SMAD4: variants seen among roughly 807,000 people sequenced by gnomAD.
SMAD4 encodes the protein SMAD family member 4.
In SMAD4, 7 loss-of-function variants were observed where a neutral mutation model predicts 63.2. The observed-to-expected ratio is 0.11, with a 90% CI of 0.06 to 0.21. SMAD4 has a LOEUF of 0.21. Ranked by LOEUF, SMAD4 falls within the 10% of genes least tolerant of loss-of-function variation. The pLI is 1.00. For synonymous variants in SMAD4, 215 were observed against 235.4 expected (o/e 0.91, Z 0.79); for missense variants, 312 against 693.8 (o/e 0.45, Z 6.18).
At chr18:51,037,549 C>G (rs1171593451) in intron 1 of SMAD4, among the ~76,000 whole-genome samples, 2 of 152,160 alleles carry the variant, frequency 1.3e-5, no homozygotes, top group African/African-American at 4.8e-5. Context: ...TAATAATCCC[C>G]TTGCTGCAGC....
At chr18:51,042,457 T>G (rs2073105314) in intron 1 of SMAD4, among the ~76,000 whole-genome samples, 1 of 151,444 alleles carries the variant, frequency 6.6e-6, no homozygotes, top group Non-Finnish European at 1.5e-5. Context: ...CTGCAACCTC[T>G]GCCTCCCAGG....
At chr18:51,032,097 C>G (rs1237814867) in intron 1 of SMAD4, among the ~76,000 whole-genome samples, 2 of 152,016 alleles carry the variant, frequency 1.3e-5, no homozygotes, top group African/African-American at 2.4e-5. Flanking sequence ...ATTTGTAATT[C>G]GGAGTAGCTT....
At chr18:51,061,570 A>T (rs1417837637) in intron 8 of SMAD4, among the ~76,000 whole-genome samples, 2 of 152,180 alleles carry the variant, frequency 1.3e-5, no homozygotes, top group Non-Finnish European at 2.9e-5. Context: ...CACTGTGTAT[A>T]AGTCAAGCAT....
At chr18:51,048,123 T>G (rs1158560439) in intron 2 of SMAD4, among the ~76,000 whole-genome samples, 1 of 152,232 alleles carries the variant, frequency 6.6e-6, no homozygotes, top group African/African-American at 2.4e-5. Context: ...ACTTTACACA[T>G]AGTTTCTGCA....
At position 51,084,004 on chromosome 18, in the gene SMAD4, GCGCGCGCGCACACA is replaced by G. The variant is rs144218127; in HGVS notation, c.*5539_*5552del. On this transcript the variant is annotated 3_prime_UTR_variant, in exon 12 of 12. Transcript: ENST00000342988. ...ATAAACACTTAACGCGCGTGCGCAC[GCGCGCGCGCACACA>G]CACACACACACACACACACACACAC... The G allele has an allele frequency of 3.8e-5, 4 of 105,066 alleles. No individual in the cohort carries two copies. The highest frequency in any genetic ancestry group is 2.2e-4 in the East Asian group (2 of 9,276). The allele number at this position is 105,066 out of a possible 1,614,324, so 6.5% of individuals were successfully genotyped here.
chr18:51,082,004 T>C lies in SMAD4; in HGVS notation c.*3537T>C. Reference sequence around the variant, plus strand: ...CTGAGAGCCTTTTGGGAGAAGCAGTTTTATTCTCTGAGTGGAACAGAGTTC... The same window carrying C: ...CTGAGAGCCTTTTGGGAGAAGCAGTCTTATTCTCTGAGTGGAACAGAGTTC... On this transcript the variant is annotated 3_prime_UTR_variant, in exon 12 of 12. Coordinates refer to ENST00000342988, the MANE Select transcript of SMAD4 (RefSeq NM_005359.6). 4.3e-6 allele frequency: 1 copy of C among 231,900 alleles called. No individual in the cohort carries two copies. 14.4% of individuals were successfully genotyped at this position (231,900 alleles called of 1,614,324 possible). A position where few individuals can be genotyped will look rare whatever the true frequency, so the allele number is the denominator to read the frequency against.
intron 9 of SMAD4, 25 bp downstream of exon 9, chr18:51,065,631 T>G (rs758439958): frequency 7.5e-6 from 12 of 1,600,672 alleles, no homozygotes; most frequent in Admixed American, 3.4e-5. Flanking sequence ...GTCAGATAGT[T>G]ACTTTAAAAA....
In SMAD4 at chr18:51,079,968, T is replaced by G. The variant is rs1910570348; in HGVS notation, c.*1501T>G. 1 of 231,344 alleles carries G rather than the reference T, an allele frequency of 4.3e-6. No individual in the cohort carries two copies. Among genetic ancestry groups the G allele is most frequent in the South Asian group, 1.8e-4 (1 of 5,522 alleles). The allele number at this position is 231,344 out of a possible 1,614,324, so 14.3% of individuals were successfully genotyped here. A position where few individuals can be genotyped will look rare whatever the true frequency, so the allele number is the denominator to read the frequency against. ...TTGTGTATCATGTGTAGAGTTGGTT[T>G]TTTTTTTTTTTAATTTTTATTTTAC... On this transcript the variant is annotated 3_prime_UTR_variant, in exon 12 of 12. Coordinates refer to ENST00000342988, the MANE Select transcript of SMAD4 (RefSeq NM_005359.6).
chr18:51,032,305 G>T (rs1312317605), intron 1 of SMAD4, among the ~76,000 whole-genome samples: 1 of 151,986 alleles, frequency 6.6e-6, no homozygotes, highest in Non-Finnish European at 1.5e-5. Flanking sequence ...GGGAGTGTAT[G>T]TTTCTGTTTA....
At position 51,084,051 on chromosome 18, in the gene SMAD4, A is replaced by G. The variant is rs1910687088; in HGVS notation, c.*5584A>G. On this transcript the variant is annotated 3_prime_UTR_variant, in exon 12 of 12. Coordinates refer to ENST00000342988, the MANE Select transcript of SMAD4 (RefSeq NM_005359.6). ...ACACACACACACACACACAGGTCAG[A>G]GTTTAAGGCTTTCGAGTCATGACAT... 4.5e-6 allele frequency: 1 copy of G among 223,842 alleles called. No individual in the cohort carries two copies. The highest frequency in any genetic ancestry group is 8.8e-6 in the Non-Finnish European group (1 of 113,946). 13.9% of individuals were successfully genotyped at this position (223,842 alleles called of 1,614,324 possible).
chr18:51,076,887 A>T, intron 11 of SMAD4, 111 bp downstream of exon 11: 1 of 787,844 alleles, frequency 1.3e-6, no homozygotes, highest in Non-Finnish European at 2.0e-6. Flanking sequence ...GTTTTTTTTT[A>T]CTGGGATGAT....
intron 1 of SMAD4, among the ~76,000 whole-genome samples, chr18:51,039,841 A>T (rs533812349): frequency 4.5e-4 from 68 of 152,250 alleles, no homozygotes; most frequent in Non-Finnish European, 1.3e-4. Flanking sequence ...ACATAGGTAA[A>T]CAAGAAGCAT....
At chr18:51,076,922 GTTC>G (rs1910487785) in intron 11 of SMAD4, 146 bp downstream of exon 11, 2 of 615,832 alleles carry the variant, frequency 3.2e-6, no homozygotes, top group South Asian at 4.9e-5. Context: ...GGTAAAATCT[GTTC>G]TTCTGTAATA....
intron 1 of SMAD4, among the ~76,000 whole-genome samples, chr18:51,038,028 C>T (rs1468705561): frequency 6.6e-6 from 1 of 152,070 alleles, no homozygotes; most frequent in African/African-American, 2.4e-5. Flanking sequence ...ATGATGCACA[C>T]CCATATTTCT....
chr18:51,042,455 T>C (rs926937390), intron 1 of SMAD4, among the ~76,000 whole-genome samples: 1 of 151,916 alleles, frequency 6.6e-6, no homozygotes, highest in Non-Finnish European at 1.5e-5. Context: ...CACTGCAACC[T>C]CTGCCTCCCA....
At chr18:51,063,209 A>T (rs1006843684) in intron 8 of SMAD4, among the ~76,000 whole-genome samples, 1 of 151,694 alleles carries the variant, frequency 6.6e-6, no homozygotes, top group African/African-American at 2.4e-5. Flanking sequence ...TAACATTTGG[A>T]CTGATTGTGT....
chr18:51,059,978 C>T, intron 8 of SMAD4, 62 bp downstream of exon 8: 1 of 1,208,292 alleles, frequency 8.3e-7, no homozygotes, highest in Non-Finnish European at 1.2e-6. Context: ...TTGAAACGCA[C>T]AAACACAGGC....
chr18:51,046,310 T>TAGC (rs1909540377), intron 1 of SMAD4, among the ~76,000 whole-genome samples: 2 of 152,196 alleles, frequency 1.3e-5, no homozygotes, highest in South Asian at 4.1e-4. Context: ...AGGTATGAAG[T>TAGC]AGCAGCTCAT....
intron 4 of SMAD4, among the ~76,000 whole-genome samples, chr18:51,051,900 G>C (rs542547367): frequency 6.6e-6 from 1 of 151,876 alleles, no homozygotes; most frequent in African/African-American, 2.4e-5. Flanking sequence ...TCCGCCTCCC[G>C]AGTTCAAGCG....
Sources: gnomAD v4.1 joint callset for allele counts (sites outside exome capture counted in the v4.1 genomes callset) on GRCh38, gnomAD v4.1.1 for gene constraint, MANE v1.5 for transcripts, NCBI Gene and HGNC (gene_info 2026-07-23, HGNC 2026-07-21) for gene names.